The following SCRN1 variants were observed in gnomAD, a reference collection of about 807,000 sequenced individuals.
SCRN1 encodes secernin-1.
SCRN1 carries 19 observed loss-of-function variants against 43.3 expected under a neutral mutation model. That is an observed-to-expected ratio of 0.44 (90% CI 0.31 to 0.64). SCRN1 has a LOEUF of 0.64. SCRN1 is among the 30% of genes least tolerant of loss of function. The pLI, the probability that SCRN1 is intolerant of heterozygous loss-of-function variation, is 0.09. For missense variants in SCRN1, 447 were observed against 524.1 expected, an observed-to-expected ratio of 0.85 and a Z score of 1.44; for synonymous variants, 183 against 188.9, an observed-to-expected ratio of 0.97 and a Z score of 0.26.
intron 1 of SCRN1, among the ~76,000 whole-genome samples, chr7:29,970,987 ATAGT>A (rs1199532013): frequency 1.3e-5 from 2 of 152,196 alleles, no homozygotes; most frequent in Non-Finnish European, 2.9e-5. Context: ...CCATCCAACC[ATAGT>A]AGCCCTTTCC....
At chr7:29,949,750 C>A (rs1251886457) in intron 3 of SCRN1, among the ~76,000 whole-genome samples, 1 of 152,204 alleles carries the variant, frequency 6.6e-6, no homozygotes, top group Non-Finnish European at 1.5e-5. Flanking sequence ...TCATGGTTCA[C>A]TGCAGCCCTG....
chr7:29,930,410 A>G (rs1787118655), intron 6 of SCRN1, among the ~76,000 whole-genome samples: 1 of 152,188 alleles, frequency 6.6e-6, no homozygotes, highest in Admixed American at 6.5e-5. Flanking sequence ...TAGAATTCCA[A>G]ATAGATAAGG....
intron 1 of SCRN1, among the ~76,000 whole-genome samples, chr7:29,979,924 T>C (rs1295839235): frequency 2.0e-5 from 3 of 152,186 alleles, no homozygotes; most frequent in Non-Finnish European, 2.9e-5. Flanking sequence ...CCTTCTTTCA[T>C]AGAAATATAA....
At position 29,966,409 on chromosome 7, in the gene SCRN1, C is replaced by A. The variant is rs546839405; in HGVS notation, c.159+2500G>T. Among the ~76,000 whole-genome samples, 2 of 152,252 alleles carry A rather than the reference C, an allele frequency of 1.3e-5. 1 individual carries two copies. The highest frequency in any genetic ancestry group is 6.8e-3 in the Middle Eastern group (2 of 294). On this transcript the variant is annotated intron_variant, in intron 2 of 7. Transcript: ENST00000242059. ...GATTTGGTGCAGCCACCTTTGAGAA[C>A]TTAAATCTGCCCATGTAAAAATCAA...
intron 1 of SCRN1, among the ~76,000 whole-genome samples, chr7:29,983,319 G>T: frequency 7.5e-6 from 1 of 132,860 alleles, no homozygotes. Context: ...GGGGGAGGGG[G>T]GAGGGATAGC....
At chr7:29,970,305 T>C (rs1223698079) in intron 1 of SCRN1, among the ~76,000 whole-genome samples, 3 of 152,178 alleles carry the variant, frequency 2.0e-5, no homozygotes, top group African/African-American at 7.2e-5. Flanking sequence ...GGCCTTTTTC[T>C]AGCTCCTCCA....
chr7:29,944,595 C>T (rs1787667753), intron 3 of SCRN1, among the ~76,000 whole-genome samples: 1 of 145,520 alleles, frequency 6.9e-6, no homozygotes, highest in African/African-American at 2.6e-5. Context: ...CCAAGCAGGT[C>T]GAGGCTGCAG....
intron 7 of SCRN1, among the ~76,000 whole-genome samples, chr7:29,926,111 C>T (rs925622687): frequency 6.6e-6 from 1 of 152,142 alleles, no homozygotes; most frequent in Non-Finnish European, 1.5e-5. Context: ...CCCAAAAGTA[C>T]ATAAGGAATT....
At position 29,965,732 on chromosome 7, in the gene SCRN1, T is replaced by C. The variant is rs115029874; in HGVS notation, c.159+3177A>G. 5.9e-5 allele frequency among the ~76,000 whole-genome samples: 9 copies of C among 152,072 alleles called. No homozygotes were observed. The highest frequency in any genetic ancestry group is 2.6e-4 in the Admixed American group (4 of 15,262). On this transcript the variant is annotated intron_variant, in intron 2 of 7. Transcript: ENST00000242059. The surrounding 1 kb of genome is among the most constrained non-coding windows in gnomAD (Gnocchi z 4.2). ...TATGGTATATATCACACTATACTTA[T>C]GTATGGAAGGGGACAGGATTTAACC...
intron 3 of SCRN1, 55 bp downstream of exon 3, chr7:29,955,124 G>T: frequency 6.8e-7 from 1 of 1,479,476 alleles, no homozygotes; most frequent in Non-Finnish European, 9.3e-7. Context: ...AATAAATCCT[G>T]TCCCCATTTC....
intron 7 of SCRN1, 62 bp from the exon 8 acceptor site, chr7:29,924,177 C>T: frequency 6.5e-7 from 1 of 1,533,866 alleles, no homozygotes; most frequent in Non-Finnish European, 8.8e-7. Context: ...GCAGCGGACA[C>T]TGAAACCCTC....
At chr7:29,927,655 G>T (rs973410953) in intron 6 of SCRN1, among the ~76,000 whole-genome samples, 5 of 152,188 alleles carry the variant, frequency 3.3e-5, no homozygotes, top group African/African-American at 1.2e-4. Flanking sequence ...GTATAGGTCA[G>T]ATTTGTCAGA....
At chr7:29,974,272 C>A (rs1174606746) in intron 1 of SCRN1, among the ~76,000 whole-genome samples, 1 of 152,130 alleles carries the variant, frequency 6.6e-6, no homozygotes, top group Admixed American at 6.5e-5. Context: ...TCTGAAATTT[C>A]AAAAGTGGCA....
chr7:29,969,895 C>T (rs1788615098), intron 1 of SCRN1: 1 of 456,474 alleles, frequency 2.2e-6, no homozygotes, highest in Non-Finnish European at 4.4e-6. Flanking sequence ...ATCTTGGTAG[C>T]CAAGGTAACC....
At chr7:29,987,646 T>G (rs1789202878) in intron 1 of SCRN1, among the ~76,000 whole-genome samples, 1 of 152,262 alleles carries the variant, frequency 6.6e-6, no homozygotes, top group Non-Finnish European at 1.5e-5. Flanking sequence ...TGTCATTGAC[T>G]TTAAACACCT....
intron 1 of SCRN1, chr7:29,970,063 TC>T: frequency 3.0e-6 from 1 of 330,626 alleles, no homozygotes; most frequent in South Asian, 2.4e-5. Flanking sequence ...TACAATAACT[TC>T]CGGAGGGGTT....
At chr7:29,990,139 G>A (rs928588586), upstream of SCRN1, 5 of 1,551,314 alleles carry the variant, frequency 3.2e-6, no homozygotes, top group Non-Finnish European at 4.4e-6. Flanking sequence ...TCCGGGCCTC[G>A]GCGCCCACAC....
chr7:29,926,525 T>C lies in SCRN1; in HGVS notation c.1013A>G (p.Gln338Arg), dbSNP rs17324153. ...DDPAKKEPRF[Q>R]EKPDRRHELY... ...CTCATGCCGGCGGTCTGGTTTCTCC[T>C]GGAACCGAGGCTCCTTTTTGGCAGG... Residue 338 changes from glutamine to arginine, a missense_variant, in exon 7 of 8, where the codon CAG becomes CGG. By Grantham distance (43) the Gln-to-Arg change is conservative. Coordinates refer to ENST00000242059, the MANE Select transcript of SCRN1 (RefSeq NM_014766.5). 0.035 allele frequency: 56,676 copies of C among 1,614,146 alleles called. 1,151 individuals carry two copies. The highest frequency in any genetic ancestry group is 0.043 in the Non-Finnish European group (50,261 of 1,180,020).
In SCRN1 at chr7:29,989,713, G is replaced by T; in HGVS notation, c.-73C>A. ...GGCTGCGGCCGCCGAGGGTGCGGGT[G>T]CTGCCGGGTCCGGATTACTGCGGCG... On this transcript the variant is annotated 5_prime_UTR_variant, in exon 1 of 8. Transcript: ENST00000242059. The T allele has an allele frequency of 1.0e-6, 1 of 986,028 alleles. No homozygotes were observed. Among genetic ancestry groups the T allele is most frequent in the South Asian group, 4.7e-5 (1 of 21,302 alleles). 61.1% of individuals were successfully genotyped at this position (986,028 alleles called of 1,614,324 possible). A position where few individuals can be genotyped will look rare whatever the true frequency, so the allele number is the denominator to read the frequency against.
Sources: allele counts gnomAD v4.1 joint callset (sites outside exome capture counted in the v4.1 genomes callset), GRCh38; gene constraint gnomAD v4.1.1; non-coding constraint Gnocchi (gnomAD v3.1); transcripts MANE v1.5; gene names NCBI Gene and HGNC (gene_info 2026-07-23, HGNC 2026-07-21).